Variants in EMB observed in about 807,000 individuals in gnomAD.
EMB encodes embigin.
In EMB, 31 loss-of-function variants were observed where a neutral mutation model predicts 41.4. The observed-to-expected ratio is 0.75, with a 90% CI of 0.56 to 1.01. EMB has a LOEUF of 1.01. EMB is among the 50% of genes least tolerant of loss of function. The pLI is 0.00. For missense variants in EMB, 379 were observed against 388.3 expected (o/e 0.98, Z 0.20); for synonymous variants, 137 against 140.4 (o/e 0.98, Z 0.17).
Position 50,428,494 on chromosome 5 carries a change from T to G in EMB, c.113-267A>C, listed in dbSNP as rs954660136. 13 of 1,093,722 alleles carry G rather than the reference T, an allele frequency of 1.2e-5. No individual in the cohort carries two copies. The African/African-American group carries it at 1.8e-4, about 15-fold the overall frequency. The allele number at this position is 1,093,722 out of a possible 1,614,324, so 67.8% of individuals were successfully genotyped here. On this transcript the variant is annotated intron_variant, in intron 1 of 8. Coordinates refer to ENST00000303221, the MANE Select transcript of EMB (RefSeq NM_198449.3). The stretch of plus-strand genomic sequence containing the variant: ...TTTTTTTAAATAACGCCTTCCATTT[T>G]TATTCTACTATTATAGTTTCTTTAC...
chr5:50,440,073 A>G (rs557101638), intron 1 of EMB, among the ~76,000 whole-genome samples: 1 of 152,322 alleles, frequency 6.6e-6, no homozygotes, highest in African/African-American at 2.4e-5. Context: ...GTCTTAAACA[A>G]TAAAACAACA....
upstream of EMB, among the ~76,000 whole-genome samples, chr5:50,442,252 G>C (rs1479714834): frequency 4.0e-5 from 6 of 151,708 alleles, no homozygotes; most frequent in Non-Finnish European, 7.4e-5. Flanking sequence ...TTTGAAAATT[G>C]AGCTATTTAA....
intron 2 of EMB, among the ~76,000 whole-genome samples, chr5:50,423,104 A>C (rs1745552533): frequency 6.6e-6 from 1 of 151,836 alleles, no homozygotes; most frequent in Non-Finnish European, 1.5e-5. Context: ...TACAAATTAA[A>C]AAAAAAAAAA....
chr5:50,405,811 C>T lies in EMB; in HGVS notation c.514G>A (p.Val172Ile), dbSNP rs755078626. 39 of 1,592,540 alleles carry T rather than the reference C, an allele frequency of 2.4e-5. No homozygotes were observed. The highest frequency in any genetic ancestry group is 8.0e-5 in the South Asian group (7 of 87,052). Residue 172 changes from valine to isoleucine, a missense_variant, in exon 5 of 9, where the codon GTA becomes ATA. Val to Ile is a conservative substitution (Grantham distance 29, BLOSUM62 3). Coordinates refer to ENST00000303221, the MANE Select transcript of EMB (RefSeq NM_198449.3). The stretch of plus-strand genomic sequence containing the variant: ...CATGTCAAGACAGTAGAATCCCCTA[C>T]GTAAGAGATCAATGGCTTGTTTTTC... ...HGKNKPLISY[V>I]GDSTVLTCKC...
intron 1 of EMB, among the ~76,000 whole-genome samples, chr5:50,434,059 T>C (rs1467062104): frequency 2.0e-5 from 3 of 152,250 alleles, no homozygotes; most frequent in African/African-American, 7.2e-5. Flanking sequence ...TAATTTAGTA[T>C]GACCTTATTT....
intron 2 of EMB, among the ~76,000 whole-genome samples, chr5:50,426,887 C>A (rs1745618918): frequency 7.2e-6 from 1 of 139,060 alleles, no homozygotes; most frequent in African/African-American, 2.9e-5. Flanking sequence ...GTCCAGAGAC[C>A]CAGTAAAAAA....
chr5:50,420,783 A>G (rs1336436533), intron 2 of EMB, among the ~76,000 whole-genome samples: 1 of 152,086 alleles, frequency 6.6e-6, no homozygotes, highest in African/African-American at 2.4e-5. Flanking sequence ...AACATGAATC[A>G]CTTCTTTAGA....
intron 8 of EMB, among the ~76,000 whole-genome samples, 191 bp from the exon 9 acceptor site, chr5:50,399,481 T>A (rs935757100): frequency 6.6e-6 from 1 of 151,964 alleles, no homozygotes; most frequent in Non-Finnish European, 1.5e-5. Context: ...TTAGCTTATA[T>A]GCATAAGTTT....
At chr5:50,426,770 TAGTA>T (rs1337698864) in intron 2 of EMB, among the ~76,000 whole-genome samples, 1 of 150,954 alleles carries the variant, frequency 6.6e-6, no homozygotes, top group East Asian at 1.9e-4. Context: ...CATTTACAAA[TAGTA>T]GGTTAAAAAT....
chr5:50,429,029 G>A (rs1038549490), intron 1 of EMB, among the ~76,000 whole-genome samples: 2 of 152,078 alleles, frequency 1.3e-5, no homozygotes, highest in Admixed American at 6.6e-5. Context: ...CCGAGTAGCT[G>A]GGACTACAGG....
At chr5:50,428,921 A>C (rs1473853811) in intron 1 of EMB, among the ~76,000 whole-genome samples, 1 of 151,062 alleles carries the variant, frequency 6.6e-6, no homozygotes, top group Non-Finnish European at 1.5e-5. Flanking sequence ...TTGAGATGGG[A>C]GTCTCACTCA....
At chr5:50,430,200 G>A (rs896421837) in intron 1 of EMB, among the ~76,000 whole-genome samples, 17 of 152,162 alleles carry the variant, frequency 1.1e-4, no homozygotes, top group Non-Finnish European at 1.0e-4. Flanking sequence ...CCAGGCGGGG[G>A]TGGATGAGAA....
intron 2 of EMB, among the ~76,000 whole-genome samples, chr5:50,419,119 A>G (rs776356908): frequency 1.2e-4 from 19 of 152,222 alleles, no homozygotes; most frequent in Non-Finnish European, 2.1e-4. Context: ...AGGCTGAGGT[A>G]GCAGTCCAGG....
upstream of EMB, among the ~76,000 whole-genome samples, chr5:50,442,284 G>C (rs370040231): frequency 2.0e-5 from 3 of 151,980 alleles, no homozygotes; most frequent in African/African-American, 7.3e-5. Context: ...TTTATTCCAG[G>C]CAGGAATGGT....
At chr5:50,414,506 T>C (rs1205240987) in intron 2 of EMB, among the ~76,000 whole-genome samples, 1 of 91,356 alleles carries the variant, frequency 1.1e-5, no homozygotes, top group Non-Finnish European at 2.0e-5. Context: ...GGCAAGGTGA[T>C]AAAGCAGGGC....
At chr5:50,413,083 C>T (rs1326542592) in intron 2 of EMB, among the ~76,000 whole-genome samples, 1 of 152,136 alleles carries the variant, frequency 6.6e-6, no homozygotes, top group African/African-American at 2.4e-5. Flanking sequence ...CACACACACA[C>T]ACTTAGGGAA....
chr5:50,406,165 C>A (rs1186435601), intron 4 of EMB, among the ~76,000 whole-genome samples: 1 of 151,758 alleles, frequency 6.6e-6, no homozygotes, highest in Non-Finnish European at 1.5e-5. Flanking sequence ...TGTTTTCAAA[C>A]CCCTGTTCTT....
intron 2 of EMB, among the ~76,000 whole-genome samples, chr5:50,413,954 G>C (rs1394410941): frequency 2.0e-5 from 3 of 152,000 alleles, no homozygotes; most frequent in Non-Finnish European, 2.9e-5. Flanking sequence ...AAGATTATAA[G>C]ATACTCAAAA....
chr5:50,438,422 G>C (rs1223509200), intron 1 of EMB, among the ~76,000 whole-genome samples: 2 of 152,138 alleles, frequency 1.3e-5, no homozygotes, highest in African/African-American at 4.8e-5. Flanking sequence ...GTGAATCAGG[G>C]ATAGAAGAAT....
Sources: allele counts gnomAD v4.1 joint callset (sites outside exome capture counted in the v4.1 genomes callset), GRCh38; gene constraint gnomAD v4.1.1; transcripts MANE v1.5; gene names NCBI Gene and HGNC (gene_info 2026-07-23, HGNC 2026-07-21).